SYNE2: variants seen among roughly 807,000 people sequenced by gnomAD.
SYNE2 encodes the protein nesprin-2.
SYNE2 carries 431 observed loss-of-function variants against 856.3 expected under a neutral mutation model. The observed-to-expected ratio is 0.50, with a 90% CI of 0.47 to 0.55. The LOEUF (loss-of-function observed/expected upper bound fraction) is 0.55, where lower values mean the gene tolerates loss of function less well. SYNE2 is among the 20% of genes least tolerant of loss of function. The pLI is 0.00. For synonymous variants in SYNE2, 2,923 were observed against 2,872.3 expected, an observed-to-expected ratio of 1.02 and a Z score of -0.56; for missense variants, 8,129 against 8,023.2, an observed-to-expected ratio of 1.01 and a Z score of -0.50.
rs1389977967 is a variant in SYNE2, at chr14:64,023,910, GA to G, written c.5638-344del. On this transcript the variant is annotated intron_variant, in intron 38 of 115. Coordinates refer to ENST00000555002, the MANE Select transcript of SYNE2 (RefSeq NM_182914.3). The stretch of plus-strand genomic sequence containing the variant: ...CCTTAACAATTGATGCCCAAACCTT[GA>G]AACGTAAACATTGAGATAAAATTCT... 20 of 289,584 alleles carry G rather than the reference GA, an allele frequency of 6.9e-5. No individual in the cohort carries two copies. The Admixed American group carries it at 9.2e-4, about 13-fold the overall frequency. The allele number at this position is 289,584 out of a possible 1,614,324, so 17.9% of individuals were successfully genotyped here. A position where few individuals can be genotyped will look rare whatever the true frequency, so the allele number is the denominator to read the frequency against.
chr14:64,140,473 T>C (rs2098130384), intron 80 of SYNE2, among the ~76,000 whole-genome samples: 1 of 152,144 alleles, frequency 6.6e-6, no homozygotes, highest in South Asian at 2.1e-4. Flanking sequence ...TCCCAGCTCC[T>C]CGGGAGGCTG....
chr14:63,853,220 G>A (rs1192589981), intron 1 of SYNE2, 77 bp downstream of exon 1: 1 of 151,788 alleles, frequency 6.6e-6, no homozygotes, highest in African/African-American at 2.4e-5. Context: ...AGGGGCGGGG[G>A]CGAGAGAGGG....
In SYNE2 at chr14:64,210,063, A is replaced by G. The variant is rs1410409309; in HGVS notation, c.18662A>G (p.Glu6221Gly). 1 of 1,614,098 alleles carries G rather than the reference A, an allele frequency of 6.2e-7. No homozygotes were observed. The highest frequency in any genetic ancestry group is 8.5e-7 in the Non-Finnish European group (1 of 1,180,032). Residue 6221 changes from glutamate (E) to glycine (G), a missense_variant, in exon 103 of 116, where the codon GAG becomes GGG. Coordinates refer to ENST00000555002, the MANE Select transcript of SYNE2 (RefSeq NM_182914.3). ...AGCAGGCTGAAGCAGATGGTCCACG[A>G]GGGCAACCAGCGCTGGGACAACCTT... ...TASRLKQMVHEGNQRWDNLQR... is the reference protein window; with the variant it reads ...TASRLKQMVHGGNQRWDNLQR...
chr14:64,106,432 G>A (rs1039675323), intron 64 of SYNE2, among the ~76,000 whole-genome samples: 2 of 152,158 alleles, frequency 1.3e-5, no homozygotes, highest in African/African-American at 4.8e-5. Context: ...AGTGGATCAC[G>A]AGGTCAGGAG....
At position 63,995,109 on chromosome 14, in the gene SYNE2, T is replaced by A; in HGVS notation, c.2847T>A (p.Leu949=). 2 of 1,593,690 alleles carry A rather than the reference T, an allele frequency of 1.3e-6. No homozygotes were observed. Among genetic ancestry groups the A allele is most frequent in the Non-Finnish European group, 1.7e-6 (2 of 1,165,952 alleles). ...QLKIDIEKGK[L]SDNILKLEKQ... The stretch of plus-strand genomic sequence containing the variant: ...AAATAGATATTGAAAAAGGAAAGCT[T>A]AGTGACAATATTTTAAAACTTGAAA... Residue 949 remains leucine, a synonymous_variant, in exon 23 of 116, where the codon CTT becomes CTA. Transcript: ENST00000555002.
In SYNE2 at chr14:63,961,548, G is replaced by T; in HGVS notation, c.811G>T (p.Glu271Ter). The T allele has an allele frequency of 1.2e-6, 2 of 1,613,968 alleles. No homozygotes were observed. The highest frequency in any genetic ancestry group is 8.5e-7 in the Non-Finnish European group (1 of 1,179,912). ...PEDVDVVDPD[E>*]KSIMTYVAQF... Reference sequence around the variant, plus strand: ...AGATGTGGATGTTGTTGATCCTGATGAAAAGTCCATCATGACCTATGTGGC... The same window carrying T: ...AGATGTGGATGTTGTTGATCCTGATTAAAAGTCCATCATGACCTATGTGGC... The change falls in exon 9 of 116, where the codon GAA (glutamate) becomes TAA (stop). Residue 271 changes from glutamate (E) to a stop codon, truncating the protein, a stop_gained. Coordinates refer to ENST00000555002, the MANE Select transcript of SYNE2 (RefSeq NM_182914.3). LOFTEE classifies it high-confidence loss of function.
At chr14:64,098,233 C>T (rs1377846486) in intron 62 of SYNE2, 87 bp downstream of exon 62, 1 of 1,401,042 alleles carries the variant, frequency 7.1e-7, no homozygotes, top group African/African-American at 1.4e-5. Context: ...CCTGTGGCAT[C>T]TATGTCTATG....
intron 109 of SYNE2, among the ~76,000 whole-genome samples, chr14:64,218,715 A>C (rs1423603835): frequency 6.6e-6 from 1 of 152,204 alleles, no homozygotes; most frequent in Non-Finnish European, 1.5e-5. Context: ...TTTGAAAACT[A>C]TTCTTTAAAT....
chr14:64,171,234 C>G (rs1263924416), intron 94 of SYNE2, among the ~76,000 whole-genome samples: 2 of 152,188 alleles, frequency 1.3e-5, no homozygotes, highest in East Asian at 1.9e-4. Flanking sequence ...CTTAGAGAAG[C>G]CTCTCAACAA....
chr14:63,843,860 T>A (rs1890145663), intron 1 of SYNE2, among the ~76,000 whole-genome samples: 1 of 152,200 alleles, frequency 6.6e-6, no homozygotes, highest in Non-Finnish European at 1.5e-5. Flanking sequence ...TTTTAAAATG[T>A]CGACAATTTA....
intron 11 of SYNE2, among the ~76,000 whole-genome samples, chr14:63,974,892 G>GTGTGTATATA (rs1375697679): frequency 1.2e-4 from 8 of 67,328 alleles, no homozygotes; most frequent in African/African-American, 3.1e-4. Context: ...GTGTGTGTGT[G>GTGTGTATATA]TATATATATA....
At chr14:64,175,314 A>C (rs1472810126) in intron 95 of SYNE2, among the ~76,000 whole-genome samples, 176 bp downstream of exon 95, 1 of 152,256 alleles carries the variant, frequency 6.6e-6, no homozygotes, top group African/African-American at 2.4e-5. Flanking sequence ...ATAGCATTGC[A>C]AGAGCTCAAT....
intron 50 of SYNE2, among the ~76,000 whole-genome samples, chr14:64,063,558 A>G (rs1260332025): frequency 1.3e-5 from 2 of 152,260 alleles, no homozygotes; most frequent in Admixed American, 6.5e-5. Flanking sequence ...GCTTACTGCA[A>G]CTGTCATAAG....
chr14:63,792,321 G>C (rs1223979502), intron 1 of SYNE2, among the ~76,000 whole-genome samples: 1 of 152,136 alleles, frequency 6.6e-6, no homozygotes, highest in Non-Finnish European at 1.5e-5. Flanking sequence ...GAGACAGGTG[G>C]ATCACTTGGG....
rs566479483 is a variant in SYNE2, at chr14:63,814,092, G to A, written c.-304-38409G>A. On this transcript the variant is annotated intron_variant, in intron 1 of 23. Transcript: ENST00000674003. ...AACAACAACAACAACAACAACAACAGCAACAACAATAACAAAAAACTAAAA... is the reference window on the plus strand; with the variant it reads ...AACAACAACAACAACAACAACAACAACAACAACAATAACAAAAAACTAAAA... Among the ~76,000 whole-genome samples, 240 of 127,814 alleles carry A rather than the reference G, an allele frequency of 1.9e-3. 1 individual carries two copies. Among genetic ancestry groups the A allele is most frequent in the African/African-American group, 7.4e-3 (231 of 31,164 alleles). The allele number at this position is 127,814 out of a possible 152,430, so 83.9% of individuals were successfully genotyped here.
At position 64,168,962 on chromosome 14, in the gene SYNE2, T is replaced by C; in HGVS notation, c.16991T>C (p.Ile5664Thr). 1.9e-6 allele frequency: 3 copies of C among 1,613,500 alleles called. No individual in the cohort carries two copies. The highest frequency in any genetic ancestry group is 1.7e-5 in the Admixed American group (1 of 60,012). ...QSLQLLDTTE[I>T]ENRPEFITEF... ...TTACAACTCCTGGACACAACAGAAA[T>C]AGAGAACAGGTGAGCTGTCTGGGCC... Residue 5664 changes from isoleucine (I) to threonine (T), a missense_variant, in exon 93 of 116, where the codon ATA becomes ACA. Ile to Thr is a moderately conservative substitution (Grantham distance 89, BLOSUM62 -1). Coordinates refer to ENST00000555002, the MANE Select transcript of SYNE2 (RefSeq NM_182914.3).
At chr14:63,875,787 GA>G (rs752794795) in intron 1 of SYNE2, among the ~76,000 whole-genome samples, 2 of 152,218 alleles carry the variant, frequency 1.3e-5, no homozygotes, top group South Asian at 4.1e-4. Context: ...CTTTTGGCAC[GA>G]ATCTTAAGAG....
At chr14:64,224,641 A>G (rs2098710139) in intron 114 of SYNE2, 94 bp downstream of exon 114, 3 of 1,376,220 alleles carry the variant, frequency 2.2e-6, no homozygotes, top group Non-Finnish European at 3.1e-6. Context: ...CCCATTAGCC[A>G]TTTCAGGACA....
chr14:64,193,568 A>T (rs1444863968), intron 99 of SYNE2, among the ~76,000 whole-genome samples: 1 of 152,148 alleles, frequency 6.6e-6, no homozygotes, highest in Non-Finnish European at 1.5e-5. Context: ...AAAGATTGGA[A>T]GGTGATCCTA....
Sources: allele counts gnomAD v4.1 joint callset (sites outside exome capture counted in the v4.1 genomes callset), GRCh38; gene constraint gnomAD v4.1.1; transcripts MANE v1.5; gene names NCBI Gene and HGNC (gene_info 2026-07-23, HGNC 2026-07-21).